KIF17: variants seen among roughly 807,000 people sequenced by gnomAD.
The protein encoded by KIF17 is kinesin-like protein KIF17.
In KIF17, 80 loss-of-function variants were observed where a neutral mutation model predicts 96.8. That is an observed-to-expected ratio of 0.83 (90% CI 0.69 to 1.00). KIF17 has a LOEUF of 1.00. Ranked by LOEUF, KIF17 falls within the 50% of genes least tolerant of loss-of-function variation. The pLI, the probability that KIF17 is intolerant of heterozygous loss-of-function variation, is 0.00. For synonymous variants in KIF17, 567 were observed against 587.5 expected (o/e 0.97, Z 0.51); for missense variants, 1,280 against 1,372.9 (o/e 0.93, Z 1.07).
Position 20,686,053 on chromosome 1 carries a change from G to A in KIF17, c.2012C>T (p.Pro671Leu), listed in dbSNP as rs1437634271. ...GCCCGGGGAGGTACTCACAGGCCTG[G>A]GCGGGAAGTCATCAGCCGCCTCGGC... ...PEAEAADDFP[P>L]RPEVDLASEV... is the part of the protein sequence containing the mutation. Residue 671 changes from proline (P) to leucine (L), a missense_variant, in exon 9 of 15, where the codon CCC becomes CTC. Coordinates refer to ENST00000400463, the MANE Select transcript of KIF17 (RefSeq NM_001122819.3). The A allele has an allele frequency of 1.9e-6, 3 of 1,556,080 alleles. No individual in the cohort carries two copies. Among genetic ancestry groups the A allele is most frequent in the Non-Finnish European group, 1.7e-6 (2 of 1,149,382 alleles).
chr1:20,698,997 C>T (rs530981441), intron 5 of KIF17, among the ~76,000 whole-genome samples: 5 of 152,168 alleles, frequency 3.3e-5, no homozygotes, highest in African/African-American at 7.2e-5. Flanking sequence ...CCACCCAAGC[C>T]GGAGTGCAGT....
chr1:20,664,853 A>G, intron 14 of KIF17, 91 bp from the exon 15 acceptor site: 1 of 1,184,964 alleles, frequency 8.4e-7, no homozygotes, highest in Non-Finnish European at 1.2e-6. Context: ...AGCCTGGCCC[A>G]CCCCACTCCC....
chr1:20,716,241 C>CAAAA lies in KIF17; in HGVS notation c.232-606_232-603dup, dbSNP rs71585780. Among the ~76,000 whole-genome samples, 471 of 111,676 alleles carry CAAAA rather than the reference C, an allele frequency of 4.2e-3. 5 individuals are homozygous for CAAAA. The highest frequency in any genetic ancestry group is 0.015 in the African/African-American group (443 of 28,716). 73.3% of individuals were successfully genotyped at this position (111,676 alleles called of 152,430 possible). A position where few individuals can be genotyped will look rare whatever the true frequency, so the allele number is the denominator to read the frequency against. ...TGGGCGACAGCGCGAGACTCCGTCTCAAAAAAAAAAAAAAAAAAAATCAAT... is the reference window on the plus strand; with the variant it reads ...TGGGCGACAGCGCGAGACTCCGTCTCAAAAAAAAAAAAAAAAAAAAAAAATCAAT... On this transcript the variant is annotated intron_variant, in intron 1 of 14. Transcript: ENST00000400463.
chr1:20,688,399 C>A (rs1170135903), intron 7 of KIF17, among the ~76,000 whole-genome samples: 1 of 152,168 alleles, frequency 6.6e-6, no homozygotes, highest in Non-Finnish European at 1.5e-5. Context: ...CCTCCCAGAC[C>A]CTCCAGAGGC....
chr1:20,686,281 A>G, intron 8 of KIF17, 155 bp from the exon 9 acceptor site: 1 of 704,486 alleles, frequency 1.4e-6, no homozygotes, highest in Non-Finnish European at 2.6e-6. Context: ...AGCACAAAGG[A>G]GGGAAGAGAT....
In KIF17 at chr1:20,684,889, C is replaced by A; in HGVS notation, c.2151G>T (p.Lys717Asn). The A allele has an allele frequency of 6.3e-7, 1 of 1,598,514 alleles. No homozygotes were observed. Among genetic ancestry groups the A allele is most frequent in the East Asian group, 2.3e-5 (1 of 43,954 alleles). ...CCACCTCCATGCCCACGCTCTCCCT[C>A]TTCACACCAGCTGTGGCCGGCAGGG... ...PEPLPATAGVKRESVGMEVAV... is the reference protein window; with the variant it reads ...PEPLPATAGVNRESVGMEVAV... Residue 717 changes from lysine to asparagine, a missense_variant, in exon 10 of 15, where the codon AAG (lysine) becomes AAT (asparagine). By Grantham distance (94) the Lys-to-Asn change is moderately conservative (BLOSUM62 0). Transcript: ENST00000400463.
chr1:20,680,957 A>C (rs1289811813), intron 11 of KIF17, among the ~76,000 whole-genome samples: 4 of 151,666 alleles, frequency 2.6e-5, no homozygotes, highest in Non-Finnish European at 5.9e-5. Flanking sequence ...CCCCGTCTCT[A>C]CTAAAAAAAT....
Position 20,664,345 on chromosome 1 carries a change from T to TA in KIF17, c.*238dup. ...TGAGCAGACGGAAACACTGATGTGG[T>TA]ATGAACAGCTGGAGCAGGCCTCTCT... On this transcript the variant is annotated 3_prime_UTR_variant, in exon 15 of 15. Coordinates refer to ENST00000400463, the MANE Select transcript of KIF17 (RefSeq NM_001122819.3). 7.0e-7 allele frequency: 1 copy of TA among 1,420,496 alleles called. No homozygotes were observed. Among genetic ancestry groups the TA allele is most frequent in the Admixed American group, 2.8e-5 (1 of 35,752 alleles). 88.0% of individuals were successfully genotyped at this position (1,420,496 alleles called of 1,614,324 possible).
chr1:20,682,878 C>T lies in KIF17; in HGVS notation c.2238G>A (p.Gln746=), dbSNP rs769625439. 1.2e-6 allele frequency: 2 copies of T among 1,609,894 alleles called. No individual in the cohort carries two copies. Among genetic ancestry groups the T allele is most frequent in the Non-Finnish European group, 1.7e-6 (2 of 1,179,410 alleles). ...VDQQQVLARL[Q]LLEQQVVGGE... ...CACCCACAACCTGCTGCTCCAACAG[C>T]TGCAGACTGCCGGCGTGGAGGAGAA... Residue 746 remains glutamine (Q), a synonymous_variant, in exon 11 of 15, where the codon CAG becomes CAA. Transcript: ENST00000400463.
rs2054518890 is a variant in KIF17 at position 20,713,474 on chromosome 1, CAG to C, written c.458_459del (p.Ala153GlyfsTer33). 1 of 1,613,094 alleles carries C rather than the reference CAG, an allele frequency of 6.2e-7. No homozygotes were observed. The highest frequency in any genetic ancestry group is 1.7e-5 in the Admixed American group (1 of 59,956). On this transcript the variant is annotated frameshift_variant, in exon 3 of 15. Coordinates refer to ENST00000400463, the MANE Select transcript of KIF17 (RefSeq NM_001122819.3). LOFTEE classifies it high-confidence loss of function. ...YNEDVRDLLG[A>X]DTKQKLELKE... is the part of the protein sequence containing the mutation. ...CCCACCTCCAGCTTCTGCTTGGTGT[CAG>C]CCCCAAGGAGGTCCCGGACATCTTC...
At chr1:20,705,844 A>AGCC (rs541555993) in intron 4 of KIF17, among the ~76,000 whole-genome samples, 19 of 142,520 alleles carry the variant, frequency 1.3e-4, no homozygotes, top group East Asian at 6.3e-4. Flanking sequence ...ATACTGACAG[A>AGCC]GCCGCTCTGG....
At chr1:20,676,427 T>C (rs1409535262) in intron 11 of KIF17, among the ~76,000 whole-genome samples, 1 of 152,098 alleles carries the variant, frequency 6.6e-6, no homozygotes, top group Non-Finnish European at 1.5e-5. Flanking sequence ...AGAACAAACA[T>C]GCTAATAGAG....
chr1:20,670,803 G>A (rs896411272), intron 12 of KIF17, among the ~76,000 whole-genome samples: 2 of 152,118 alleles, frequency 1.3e-5, no homozygotes, highest in African/African-American at 4.8e-5. Context: ...TCTCAGCAGG[G>A]ATGGTGTCAA....
Position 20,707,787 on chromosome 1 carries a change from A to ATGTGTGTGTGTGTGTGTGTGTG in KIF17, c.670+1830_670+1851dup, listed in dbSNP as rs3077930. The stretch of plus-strand genomic sequence containing the variant: ...CAAAAAAAAAAACAAACCAATGTGT[A>ATGTGTGTGTGTGTGTGTGTGTG]TGTGTGTGTGTGTGTGTGTGTGTGT... On this transcript the variant is annotated intron_variant, in intron 4 of 14. Coordinates refer to ENST00000400463, the MANE Select transcript of KIF17 (RefSeq NM_001122819.3). Among the ~76,000 whole-genome samples the ATGTGTGTGTGTGTGTGTGTGTG allele has an allele frequency of 1.6e-3, 205 of 124,540 alleles. 1 individual carries two copies. Among genetic ancestry groups the ATGTGTGTGTGTGTGTGTGTGTG allele is most frequent in the African/African-American group, 5.6e-3 (172 of 30,520 alleles). 81.7% of individuals were successfully genotyped at this position (124,540 alleles called of 152,430 possible).
intron 7 of KIF17, 108 bp from the exon 8 acceptor site, chr1:20,688,052 T>G (rs1381611809): frequency 3.1e-6 from 3 of 972,830 alleles, no homozygotes; most frequent in Non-Finnish European, 4.7e-6. Context: ...TTGTTTTTTT[T>G]TTGTTTTTTT....
chr1:20,715,061 C>A (rs1477885922), intron 2 of KIF17, among the ~76,000 whole-genome samples: 1 of 152,150 alleles, frequency 6.6e-6, no homozygotes, highest in African/African-American at 2.4e-5. Context: ...TCAACTTGGC[C>A]AATAAAGGCT....
Position 20,670,495 on chromosome 1 carries a change from T to C in KIF17, c.2723-7A>G. Reference sequence around the variant, plus strand: ...TTCTGTGGCCCAGTTGAAACTGCTATGAGAAAACAAAAGCTGAAGTCACTG... The same window carrying C: ...TTCTGTGGCCCAGTTGAAACTGCTACGAGAAAACAAAAGCTGAAGTCACTG... On this transcript the variant is annotated splice_polypyrimidine_tract_variant and splice_region_variant and intron_variant, in intron 12 of 14. Transcript: ENST00000400463. 1 of 1,613,926 alleles carries C rather than the reference T, an allele frequency of 6.2e-7. No homozygotes were observed. Among genetic ancestry groups the C allele is most frequent in the Non-Finnish European group, 8.5e-7 (1 of 1,179,948 alleles).
In KIF17 at chr1:20,682,759, T is replaced by G. The variant is rs761442869; in HGVS notation, c.2357A>C (p.Gln786Pro). Residue 786 changes from glutamine to proline, a missense_variant, in exon 11 of 15, where the codon CAG (glutamine) becomes CCG (proline). By Grantham distance (76) the Gln-to-Pro change is moderately conservative. Coordinates refer to ENST00000400463, the MANE Select transcript of KIF17 (RefSeq NM_001122819.3). ...ERRKQLVAAL[Q>P]NSDEDSGDWV... ...GTCCCCGCTGTCCTCATCCGAGTTC[T>G]GCAGGGCAGCCACCAGCTGCTTCCT... The G allele has an allele frequency of 2.4e-5, 38 of 1,613,164 alleles. No homozygotes were observed. The South Asian group carries it at 3.5e-4, about 15-fold the overall frequency.
At chr1:20,713,055 G>A (rs112379905) in intron 3 of KIF17, among the ~76,000 whole-genome samples, 2 of 147,716 alleles carry the variant, frequency 1.4e-5, no homozygotes, top group Non-Finnish European at 3.0e-5. Flanking sequence ...GAGTGCAGTG[G>A]CACAATCTCA....
Sources: gnomAD v4.1 joint callset for allele counts (sites outside exome capture counted in the v4.1 genomes callset) on GRCh38, gnomAD v4.1.1 for gene constraint, MANE v1.5 for transcripts, NCBI Gene and HGNC (gene_info 2026-07-23, HGNC 2026-07-21) for gene names.